The following RPS6KA2 variants were observed in gnomAD, a reference collection of about 807,000 sequenced individuals.
RPS6KA2 encodes the protein ribosomal protein S6 kinase alpha-2.
A neutral mutation model predicts 91.8 loss-of-function variants in RPS6KA2; 42 were observed. The observed-to-expected ratio is 0.46, with a 90% CI of 0.36 to 0.59. The LOEUF is 0.59. RPS6KA2 is among the 20% of genes least tolerant of loss of function. The pLI is 0.00. For missense variants in RPS6KA2, 798 were observed against 978.5 expected (o/e 0.82, Z 2.46); for synonymous variants, 414 against 393.6 (o/e 1.05, Z -0.61).
chr6:166,494,635 GT>G lies in RPS6KA2; in HGVS notation c.747+3872del, dbSNP rs1326730326. ...ATGTCACCACGCAGCCGGCCACCAG[GT>G]TTGCACGTTCTTCTCCAGGTACCAG... On this transcript the variant is annotated intron_variant, in intron 8 of 20. Coordinates refer to ENST00000265678, the MANE Select transcript of RPS6KA2 (RefSeq NM_021135.6). This position sits in a 1 kb window ranked among gnomAD's most constrained non-coding sequence, Gnocchi z 5.1. Among the ~76,000 whole-genome samples, 2 of 152,324 alleles carry G rather than the reference GT, an allele frequency of 1.3e-5. No homozygotes were observed. The highest frequency in any genetic ancestry group is 3.9e-4 in the East Asian group (2 of 5,182).
At chr6:166,519,285 T>A (rs532524600) in intron 3 of RPS6KA2, among the ~76,000 whole-genome samples, 7 of 152,326 alleles carry the variant, frequency 4.6e-5, no homozygotes, top group African/African-American at 1.4e-4. Flanking sequence ...GGCTATAGCG[T>A]CTCTGTGATG....
At chr6:166,847,040 T>C (rs1303144076) in intron 2 of RPS6KA2, among the ~76,000 whole-genome samples, 4 of 152,128 alleles carry the variant, frequency 2.6e-5, no homozygotes, top group Non-Finnish European at 5.9e-5. Flanking sequence ...AAAGCTCCTT[T>C]AACTGGTAAT....
rs1787365677 is a variant in RPS6KA2, at chr6:166,639,616, G to A, written c.124-100832C>T. 6.6e-6 allele frequency among the ~76,000 whole-genome samples: 1 copy of A among 151,968 alleles called. No individual in the cohort carries two copies. Among genetic ancestry groups the A allele is most frequent in the African/African-American group, 2.4e-5 (1 of 41,348 alleles). ...GTTTGCCTCTCCTCCTTCCTCCAGG[G>A]TGCAGTCTCTGCTCCTGCCCCGCTG... On this transcript the variant is annotated intron_variant, in intron 2 of 21. Transcript: ENST00000503859. The surrounding 1 kb of genome is among the most constrained non-coding windows in gnomAD (Gnocchi z 4.2).
intron 2 of RPS6KA2, among the ~76,000 whole-genome samples, chr6:166,780,496 C>T (rs1018042035): frequency 1.8e-4 from 27 of 152,254 alleles, no homozygotes; most frequent in African/African-American, 5.1e-4. Context: ...GACTGTGAGA[C>T]GACCAACCTC....
intron 1 of RPS6KA2, among the ~76,000 whole-genome samples, chr6:166,618,241 C>T (rs933865603): frequency 1.3e-5 from 2 of 152,240 alleles, no homozygotes; most frequent in African/African-American, 2.4e-5. Flanking sequence ...ACACGAACCA[C>T]CACCTCTAGG....
intron 1 of RPS6KA2, among the ~76,000 whole-genome samples, chr6:166,618,281 T>C (rs1405483988): frequency 1.3e-5 from 2 of 152,222 alleles, no homozygotes; most frequent in South Asian, 2.1e-4. Context: ...AGCTCCACTA[T>C]ACCCACAGTC....
chr6:166,620,846 G>A (rs1786600059), intron 1 of RPS6KA2, among the ~76,000 whole-genome samples: 1 of 152,240 alleles, frequency 6.6e-6, no homozygotes, highest in Non-Finnish European at 1.5e-5. Context: ...GGATTCAGTG[G>A]TTTGGCAAGG....
chr6:166,504,217 C>T lies in RPS6KA2; in HGVS notation c.566+289G>A, dbSNP rs542258181. ...TCGTGGGCGTGCCCCTCCCCAGCTC[C>T]GGCTTCCCGTGCATCACAGACATGC... On this transcript the variant is annotated intron_variant, in intron 6 of 20. Coordinates refer to ENST00000265678, the MANE Select transcript of RPS6KA2 (RefSeq NM_021135.6). Among the ~76,000 whole-genome samples the T allele has an allele frequency of 1.1e-4, 16 of 152,328 alleles. No individual in the cohort carries two copies. In the South Asian group the frequency reaches 1.7e-3, roughly 16 times the overall value.
At chr6:166,832,083 T>TAG (rs772062965) in intron 2 of RPS6KA2, among the ~76,000 whole-genome samples, 24 of 150,168 alleles carry the variant, frequency 1.6e-4, no homozygotes, top group African/African-American at 5.2e-4. Context: ...GATAGATAGA[T>TAG]ATAGATAATC....
chr6:166,643,748 G>A (rs1342372711), intron 2 of RPS6KA2, among the ~76,000 whole-genome samples: 1 of 152,224 alleles, frequency 6.6e-6, no homozygotes. Context: ...GACCTCCGCT[G>A]TCAGTCCTTC....
intron 1 of RPS6KA2, among the ~76,000 whole-genome samples, chr6:166,544,307 C>T (rs140620269): frequency 5.3e-5 from 8 of 152,240 alleles, no homozygotes; most frequent in East Asian, 3.9e-4. Flanking sequence ...TAGCCTCTTC[C>T]GGAAAAGAAA....
intron 2 of RPS6KA2, among the ~76,000 whole-genome samples, chr6:166,791,535 T>C (rs1779089564): frequency 6.6e-6 from 1 of 152,102 alleles, no homozygotes; most frequent in Admixed American, 6.5e-5. Flanking sequence ...TCTACAGAAC[T>C]CTCCACCCCA....
intron 2 of RPS6KA2, among the ~76,000 whole-genome samples, chr6:166,853,233 G>A (rs189203042): frequency 1.3e-5 from 2 of 152,290 alleles, no homozygotes; most frequent in African/African-American, 4.8e-5. Context: ...GAGTTCAGGG[G>A]CTCGAGACCA....
chr6:166,721,359 G>A (rs973451307), intron 2 of RPS6KA2, among the ~76,000 whole-genome samples: 6 of 152,088 alleles, frequency 3.9e-5, no homozygotes, highest in African/African-American at 1.4e-4. Flanking sequence ...TTCATCTGAC[G>A]GCCAGGACCC....
intron 1 of RPS6KA2, among the ~76,000 whole-genome samples, chr6:166,570,997 G>A (rs1016405336): frequency 2.6e-5 from 4 of 152,166 alleles, no homozygotes; most frequent in African/African-American, 9.7e-5. Flanking sequence ...ATAAAGAATA[G>A]CATAGGAATT....
At chr6:166,834,065 T>C (rs998420669) in intron 2 of RPS6KA2, among the ~76,000 whole-genome samples, 6 of 152,126 alleles carry the variant, frequency 3.9e-5, no homozygotes, top group South Asian at 4.2e-4. Context: ...GGTGAAAGCA[T>C]TGGGTTATAT....
intron 3 of RPS6KA2, among the ~76,000 whole-genome samples, chr6:166,521,872 G>T (rs1782868806): frequency 6.6e-6 from 1 of 152,208 alleles, no homozygotes; most frequent in Non-Finnish European, 1.5e-5. Flanking sequence ...CTAACCCCCA[G>T]TGTGATGGTT....
In RPS6KA2 at chr6:166,603,019, T is replaced by C. The variant is rs1785806792; in HGVS notation, c.99+23902A>G. Among the ~76,000 whole-genome samples the C allele has an allele frequency of 6.6e-6, 1 of 152,234 alleles. No homozygotes were observed. Among genetic ancestry groups the C allele is most frequent in the Non-Finnish European group, 1.5e-5 (1 of 68,040 alleles). The stretch of plus-strand genomic sequence containing the variant: ...TTGGTCAGGGGCACCTAGGAACCCA[T>C]TCTGCTTTCACCCTCTGGATGAGTT... On this transcript the variant is annotated intron_variant, in intron 1 of 20. Coordinates refer to ENST00000265678, the MANE Select transcript of RPS6KA2 (RefSeq NM_021135.6). This position sits in a 1 kb window ranked among gnomAD's most constrained non-coding sequence, Gnocchi z 4.3.
chr6:166,599,676 AC>A (rs1256881989), intron 1 of RPS6KA2, among the ~76,000 whole-genome samples: 2 of 152,248 alleles, frequency 1.3e-5, no homozygotes, highest in Non-Finnish European at 2.9e-5. Flanking sequence ...CATAAATGCA[AC>A]ATCTTACTCT....
Sources: allele counts gnomAD v4.1 joint callset (sites outside exome capture counted in the v4.1 genomes callset), GRCh38; gene constraint gnomAD v4.1.1; non-coding constraint Gnocchi (gnomAD v3.1); transcripts MANE v1.5; gene names NCBI Gene and HGNC (gene_info 2026-07-23, HGNC 2026-07-21).